The following OR10H1 variants were observed in gnomAD, a reference collection of about 807,000 sequenced individuals.
OR10H1 encodes olfactory receptor 10H1.
A neutral mutation model predicts 13.1 loss-of-function variants in OR10H1; 12 were observed. The ratio of observed to expected loss-of-function variants is 0.92; its 90% CI spans 0.59 to 1.48. The LOEUF (loss-of-function observed/expected upper bound fraction) is 1.48. Among genes scored for constraint, OR10H1 ranks in the 40% most tolerant of loss-of-function variants. OR10H1 has a pLI of 0.00. For synonymous variants in OR10H1, 168 were observed against 175.6 expected (o/e 0.96, Z 0.34); for missense variants, 363 against 413.1 (o/e 0.88, Z 1.05).
chr19:15,814,476 TGTGTGAGAGAGAGA>T (rs1372591687), intron 1 of OR10H1, among the ~76,000 whole-genome samples: 43 of 43,080 alleles, frequency 1.0e-3, no homozygotes, highest in African/African-American at 3.6e-3. Flanking sequence ...TGTGTGTGTG[TGTGTGAGAGAGAGA>T]GAGAGAGAGA....
chr19:15,814,057 G>A (rs143016312), intron 1 of OR10H1, among the ~76,000 whole-genome samples: 17 of 152,198 alleles, frequency 1.1e-4, no homozygotes, highest in Non-Finnish European at 2.2e-4. Context: ...CTAGAGCAGG[G>A]TTTCCTGCCT....
intron 1 of OR10H1, among the ~76,000 whole-genome samples, chr19:15,815,294 T>C (rs2088960028): frequency 1.3e-5 from 2 of 150,960 alleles, no homozygotes; most frequent in African/African-American, 4.9e-5. Context: ...TGAGCCGAGA[T>C]TGCGCCACTG....
At chr19:15,814,676 G>T (rs997659792) in intron 1 of OR10H1, among the ~76,000 whole-genome samples, 15 of 151,924 alleles carry the variant, frequency 9.9e-5, no homozygotes, top group African/African-American at 3.6e-4. Context: ...GCCAATTTTT[G>T]TATTTTTTTG....
intron 3 of OR10H1, 176 bp from the exon 4 acceptor site, chr19:15,808,224 T>G: frequency 1.7e-6 from 1 of 602,832 alleles, no homozygotes; most frequent in South Asian, 2.2e-5. Context: ...GTACTATTTT[T>G]TCAACCCCCT....
At chr19:15,808,899 C>T (rs538789518) in intron 2 of OR10H1, 58 bp from the exon 3 acceptor site, 1 of 152,082 alleles carries the variant, frequency 6.6e-6, no homozygotes, top group Non-Finnish European at 1.5e-5. Flanking sequence ...AAACATATTC[C>T]TTTGCTGGAA....
intron 1 of OR10H1, among the ~76,000 whole-genome samples, chr19:15,813,545 A>AGAGAG (rs1568454844): frequency 6.7e-6 from 1 of 148,422 alleles, no homozygotes; most frequent in Non-Finnish European, 1.5e-5. Context: ...AGAGAAAGAA[A>AGAGAG]GAGAGGTGGG....
chr19:15,813,033 C>A (rs2144945284), intron 1 of OR10H1, among the ~76,000 whole-genome samples, 155 bp from the exon 2 acceptor site: 1 of 152,032 alleles, frequency 6.6e-6, no homozygotes, highest in East Asian at 1.9e-4. Flanking sequence ...GGACATTGTG[C>A]ATTTGTCAAA....
At chr19:15,808,459 G>A (rs1568453587) in intron 3 of OR10H1, among the ~76,000 whole-genome samples, 1 of 152,170 alleles carries the variant, frequency 6.6e-6, no homozygotes, top group African/African-American at 2.4e-5. Context: ...GGCTAAGGGG[G>A]AAGGACGGCT....
At position 15,806,913 on chromosome 19, in the gene OR10H1, G is replaced by T. The variant is rs935779584; in HGVS notation, c.*168C>A. The stretch of plus-strand genomic sequence containing the variant: ...GGCTAATTTTTGTATTTTTAGTAGA[G>T]ATGGGGTTTCGCCATGTTAGCCATG... On this transcript the variant is annotated 3_prime_UTR_variant, in exon 4 of 4. Transcript: ENST00000641419. 1.6e-6 allele frequency: 1 copy of T among 641,200 alleles called. No individual in the cohort carries two copies. Among genetic ancestry groups the T allele is most frequent in the Non-Finnish European group, 2.7e-6 (1 of 368,260 alleles). 39.7% of individuals were successfully genotyped at this position (641,200 alleles called of 1,614,324 possible). A position where few individuals can be genotyped will look rare whatever the true frequency, so the allele number is the denominator to read the frequency against.
intron 2 of OR10H1, among the ~76,000 whole-genome samples, chr19:15,809,788 T>C (rs529701375): frequency 6.6e-6 from 1 of 151,652 alleles, no homozygotes; most frequent in East Asian, 1.9e-4. Context: ...TTTCTATGTG[T>C]CTTTATGAAA....
At chr19:15,810,266 G>T (rs908242339) in intron 2 of OR10H1, among the ~76,000 whole-genome samples, 7 of 141,756 alleles carry the variant, frequency 4.9e-5, no homozygotes, top group Admixed American at 3.0e-4. Flanking sequence ...TGCACTCCAG[G>T]CTGGGTGACA....
intron 1 of OR10H1, 74 bp from the exon 2 acceptor site, chr19:15,812,952 TGAATGG>T (rs560633826): frequency 6.6e-6 from 1 of 151,152 alleles, no homozygotes; most frequent in South Asian, 2.1e-4. Context: ...GAGGGAGGGA[TGAATGG>T]GTGGGGCACA....
chr19:15,807,669 G>A lies in OR10H1; in HGVS notation c.369C>T (p.Tyr123=), dbSNP rs779333750. The A allele has an allele frequency of 1.2e-5, 20 of 1,614,074 alleles. No individual in the cohort carries two copies. The highest frequency in any genetic ancestry group is 1.7e-5 in the Non-Finnish European group (20 of 1,179,978). Reference sequence around the variant, plus strand: ...AGCGCAGGGGGTGGCAGATGGCCACGTAGCGGTCGTAGCCCATGACGGTGA... The same window carrying A: ...AGCGCAGGGGGTGGCAGATGGCCACATAGCGGTCGTAGCCCATGACGGTGA... ...FLLTVMGYDR[Y]VAICHPLRYN... The change falls in exon 4 of 4, where the codon TAC becomes TAT. Residue 123 remains tyrosine, a synonymous_variant. Coordinates refer to ENST00000641419, the MANE Select transcript of OR10H1 (RefSeq NM_013940.4).
rs147258134 is a variant in OR10H1, at chr19:15,807,362, T to C, written c.676A>G (p.Ile226Val). 8.1e-5 allele frequency: 130 copies of C among 1,613,896 alleles called. No homozygotes were observed. The highest frequency in any genetic ancestry group is 1.0e-4 in the Non-Finnish European group (123 of 1,179,934). ...LLSYAFIVAA[I>V]LKIPSAEGRN... is the part of the protein sequence containing the mutation. ...CCTTCAGCAGAAGGGATCTTCAAGATGGCGGCCACGATGAAGGCATAGGAG... is the reference window on the plus strand; with the variant it reads ...CCTTCAGCAGAAGGGATCTTCAAGACGGCGGCCACGATGAAGGCATAGGAG... The change falls in exon 4 of 4, where the codon ATC (isoleucine) becomes GTC (valine). Residue 226 changes from isoleucine to valine, a missense_variant. Physicochemically the swap from Ile to Val is conservative, Grantham distance 29. Around this residue, in one of 3 missense-constraint regions of OR10H1, gnomAD observed 318 missense variants for 366.6 expected, o/e 0.87. Coordinates refer to ENST00000641419, the MANE Select transcript of OR10H1 (RefSeq NM_013940.4).
chr19:15,813,350 G>A (rs1472219961), intron 1 of OR10H1, among the ~76,000 whole-genome samples: 1 of 152,152 alleles, frequency 6.6e-6, no homozygotes, highest in African/African-American at 2.4e-5. Flanking sequence ...CAGCGAGGAG[G>A]ATTTAGAGCT....
intron 1 of OR10H1, among the ~76,000 whole-genome samples, chr19:15,814,733 G>C (rs1025081530): frequency 2.0e-5 from 3 of 151,990 alleles, no homozygotes; most frequent in African/African-American, 7.2e-5. Flanking sequence ...TCAAACTCTT[G>C]GACTCAAGTG....
Position 15,807,292 on chromosome 19 carries a change from A to C in OR10H1, c.746T>G (p.Val249Gly). ...FSTCASHLTV[V>G]VVHYGFASVI... ...GGAGGCAAAGCCATAGTGCACGACC[A>C]CCACAGTGAGGTGAGAGGCACAGGT... Residue 249 changes from valine (V) to glycine (G), a missense_variant, in exon 4 of 4, where the codon GTG becomes GGG. Around this residue, in one of 3 missense-constraint regions of OR10H1, gnomAD observed 318 missense variants for 366.6 expected, o/e 0.87. Coordinates refer to ENST00000641419, the MANE Select transcript of OR10H1 (RefSeq NM_013940.4). 1 of 1,614,116 alleles carries C rather than the reference A, an allele frequency of 6.2e-7. No individual in the cohort carries two copies.
At chr19:15,811,513 A>G (rs2032385903) in intron 2 of OR10H1, among the ~76,000 whole-genome samples, 1 of 152,062 alleles carries the variant, frequency 6.6e-6, no homozygotes, top group Non-Finnish European at 1.5e-5. Context: ...TGTCTCCAGA[A>G]AACACCCATG....
Position 15,807,726 on chromosome 19 carries a change from G to A in OR10H1, c.312C>T (p.Ser104=), listed in dbSNP as rs983631350. Residue 104 remains serine (S), a synonymous_variant, in exon 4 of 4, where the codon TCC becomes TCT. Coordinates refer to ENST00000641419, the MANE Select transcript of OR10H1 (RefSeq NM_013940.4). ...AGGAGTGGGTGAAGCCGAAGCTGAA[G>A]GAGAAGAACATCTGACTGGCACAGG... ...FLACASQMFF[S]FSFGFTHSFL... 1.2e-6 allele frequency: 2 copies of A among 1,613,584 alleles called. No homozygotes were observed. Among genetic ancestry groups the A allele is most frequent in the Non-Finnish European group, 1.7e-6 (2 of 1,179,678 alleles).
Sources: gnomAD v4.1 joint callset for allele counts (sites outside exome capture counted in the v4.1 genomes callset) on GRCh38, gnomAD v4.1.1 for gene constraint, gnomAD v4.1.1 regional missense constraint, MANE v1.5 for transcripts, NCBI Gene and HGNC (gene_info 2026-07-23, HGNC 2026-07-21) for gene names.